Variants in NBEA observed in about 807,000 individuals in gnomAD.
NBEA encodes neurobeachin.
A neutral mutation model predicts 343.4 loss-of-function variants in NBEA; 44 were observed. That is an observed-to-expected ratio of 0.13 (90% CI 0.10 to 0.16). The LOEUF (loss-of-function observed/expected upper bound fraction) is 0.16, where lower values mean the gene tolerates loss of function less well. Among genes scored for constraint, NBEA ranks in the 10% least tolerant of loss-of-function variants. The probability of loss-of-function intolerance (pLI) is 1.00; values close to 1 mark genes in which losing one functional copy is unlikely to be tolerated. For missense variants in NBEA, 2,555 were observed against 3,631.3 expected, an observed-to-expected ratio of 0.70 and a Z score of 7.62; for synonymous variants, 1,175 against 1,238.7, an observed-to-expected ratio of 0.95 and a Z score of 1.08.
At chr13:35,425,466 T>A (rs1311280563) in intron 38 of NBEA, among the ~76,000 whole-genome samples, 3 of 152,152 alleles carry the variant, frequency 2.0e-5, no homozygotes, top group African/African-American at 4.8e-5. Flanking sequence ...TTTGAGTGAG[T>A]TTCTTAATCC....
At chr13:35,088,728 A>C (rs1268963689) in intron 10 of NBEA, among the ~76,000 whole-genome samples, 1 of 152,034 alleles carries the variant, frequency 6.6e-6, no homozygotes, top group East Asian at 1.9e-4. Flanking sequence ...TCAATGGAAC[A>C]GAACAGAGCC....
chr13:35,660,441 C>T (rs2085035211), intron 55 of NBEA, among the ~76,000 whole-genome samples: 1 of 152,178 alleles, frequency 6.6e-6, no homozygotes, highest in African/African-American at 2.4e-5. Context: ...GTTTGTATAA[C>T]ACATTGTTAT....
chr13:35,201,515 T>C (rs1233113238), intron 31 of NBEA, among the ~76,000 whole-genome samples: 1 of 152,036 alleles, frequency 6.6e-6, no homozygotes, highest in Non-Finnish European at 1.5e-5. Context: ...CAACGTTTTC[T>C]TTCAAGATAC....
chr13:35,262,579 A>C (rs1348851414), intron 34 of NBEA, among the ~76,000 whole-genome samples: 3 of 152,228 alleles, frequency 2.0e-5, no homozygotes, highest in Non-Finnish European at 2.9e-5. Context: ...TCATTTCAAA[A>C]AGTTACATAT....
chr13:35,239,250 T>C (rs1244801538), intron 34 of NBEA, among the ~76,000 whole-genome samples: 1 of 152,024 alleles, frequency 6.6e-6, no homozygotes, highest in East Asian at 1.9e-4. Context: ...CCCCAAAATA[T>C]GCCTAGGTGG....
At chr13:34,974,507 T>TA (rs1242530944) in intron 1 of NBEA, among the ~76,000 whole-genome samples, 2 of 152,334 alleles carry the variant, frequency 1.3e-5, no homozygotes, top group East Asian at 1.9e-4. Context: ...CAAGGAAAAC[T>TA]GGCAGTGGGC....
chr13:35,027,356 C>G (rs2062050297), intron 1 of NBEA, among the ~76,000 whole-genome samples: 1 of 151,808 alleles, frequency 6.6e-6, no homozygotes, highest in Non-Finnish European at 1.5e-5. Context: ...CATTTTATAT[C>G]CTTACAAGCA....
intron 39 of NBEA, among the ~76,000 whole-genome samples, chr13:35,443,430 A>C (rs759234193): frequency 3.3e-5 from 5 of 152,016 alleles, no homozygotes; most frequent in Non-Finnish European, 5.9e-5. Context: ...TGGTATAGAT[A>C]ATATCTATTT....
chr13:35,304,681 A>G (rs1222294553), intron 35 of NBEA, among the ~76,000 whole-genome samples: 1 of 152,168 alleles, frequency 6.6e-6, no homozygotes, highest in Non-Finnish European at 1.5e-5. Flanking sequence ...TGCTTTCAGT[A>G]CAAGTCTCTC....
intron 35 of NBEA, among the ~76,000 whole-genome samples, chr13:35,294,556 A>C (rs1174992097): frequency 6.6e-6 from 1 of 152,088 alleles, no homozygotes; most frequent in Non-Finnish European, 1.5e-5. Context: ...TGATGAAGTT[A>C]TGTCACATTT....
intron 33 of NBEA, among the ~76,000 whole-genome samples, chr13:35,214,283 G>T (rs1184489682): frequency 6.6e-6 from 1 of 151,892 alleles, no homozygotes; most frequent in East Asian, 1.9e-4. Flanking sequence ...ATTGTGGTTG[G>T]ATAGTAAGTG....
chr13:35,359,832 A>ATG (rs60793996), intron 38 of NBEA, among the ~76,000 whole-genome samples: 4,846 of 144,610 alleles, frequency 0.034, 70 homozygotes, highest in Middle Eastern at 0.043. Flanking sequence ...GTGTGTGTGT[A>ATG]TGTGTGTGTG....
chr13:35,037,301 T>C (rs1455139704), intron 1 of NBEA, among the ~76,000 whole-genome samples: 1 of 152,228 alleles, frequency 6.6e-6, no homozygotes, highest in African/African-American at 2.4e-5. Context: ...ATGCCTTCTC[T>C]GTGTTATCTT....
chr13:35,045,495 AGAAAGCACAACTTGATGAGTTTG>A, intron 4 of NBEA, 94 bp downstream of exon 4: 1 of 984,134 alleles, frequency 1.0e-6, no homozygotes, highest in Non-Finnish European at 1.5e-6. Context: ...TTACCAGTTT[AGAAAGCACAACTTGATGAGTTTG>A]GAAGTCATAC....
intron 1 of NBEA, among the ~76,000 whole-genome samples, chr13:34,951,720 G>T (rs2059355317): frequency 6.6e-6 from 1 of 152,188 alleles, no homozygotes; most frequent in Admixed American, 6.5e-5. Context: ...GGTAACACCA[G>T]TTCCTTTGTG....
At chr13:35,460,523 T>A (rs1282664117) in intron 40 of NBEA, among the ~76,000 whole-genome samples, 1 of 152,238 alleles carries the variant, frequency 6.6e-6, no homozygotes, top group Non-Finnish European at 1.5e-5. Flanking sequence ...AAGCTTCATC[T>A]TGAATATTGA....
intron 13 of NBEA, among the ~76,000 whole-genome samples, chr13:35,115,181 A>C (rs1221552628): frequency 6.6e-6 from 1 of 152,146 alleles, no homozygotes; most frequent in East Asian, 1.9e-4. Flanking sequence ...CAATGTTACC[A>C]GTCTTGTATA....
At chr13:35,080,823 A>C (rs901328065) in intron 10 of NBEA, among the ~76,000 whole-genome samples, 1 of 152,160 alleles carries the variant, frequency 6.6e-6, no homozygotes, top group African/African-American at 2.4e-5. Flanking sequence ...GAGACACATA[A>C]ATTTATTTAC....
intron 36 of NBEA, among the ~76,000 whole-genome samples, chr13:35,315,640 CAG>C (rs1342598029): frequency 5.3e-5 from 8 of 151,984 alleles, no homozygotes; most frequent in African/African-American, 1.9e-4. Flanking sequence ...CAGAAAAGAA[CAG>C]ATAATATTTA....
Sources: gnomAD v4.1 joint callset for allele counts (sites outside exome capture counted in the v4.1 genomes callset) on GRCh38, gnomAD v4.1.1 for gene constraint, MANE v1.5 for transcripts, NCBI Gene and HGNC (gene_info 2026-07-23, HGNC 2026-07-21) for gene names.